The following ACO1 variants were observed in gnomAD, a reference collection of about 807,000 sequenced individuals.
ACO1 encodes aconitase 1.
Under a neutral mutation model 105.1 loss-of-function variants are expected in ACO1, and 78 were observed. That is an observed-to-expected ratio of 0.74 (90% confidence interval 0.62 to 0.90). The LOEUF is 0.90. Ranked by LOEUF, ACO1 falls within the 40% of genes least tolerant of loss-of-function variation. The pLI, the probability that ACO1 is intolerant of heterozygous loss-of-function variation, is 0.00. For missense variants in ACO1, 965 were observed against 1,111.1 expected (o/e 0.87, Z 1.87); for synonymous variants, 364 against 397.4 (o/e 0.92, Z 1.00).
intron 4 of ACO1, among the ~76,000 whole-genome samples, chr9:32,412,253 A>G (rs147721128): frequency 2.6e-5 from 4 of 152,342 alleles, no homozygotes; most frequent in Non-Finnish European, 5.9e-5. Flanking sequence ...TAGCTCAACG[A>G]GCGAGATGCT....
chr9:32,387,523 GT>G (rs1363157085), intron 1 of ACO1, among the ~76,000 whole-genome samples: 2 of 152,032 alleles, frequency 1.3e-5, no homozygotes, highest in Non-Finnish European at 2.9e-5. Flanking sequence ...CTTTTGGTTT[GT>G]TTTTTTAGTA....
rs564142404 is a variant in ACO1 at position 32,403,059 on chromosome 9, A to G, written c.-22-2426A>G. ...TGAGTCTCTTGTGAGAGGATTTCCC[A>G]TGACTTTCCCAGCTTTAGGGGCTAG... On this transcript the variant is annotated intron_variant, in intron 1 of 20. Coordinates refer to ENST00000309951, the MANE Select transcript of ACO1 (RefSeq NM_002197.3). 7.9e-5 allele frequency among the ~76,000 whole-genome samples: 12 copies of G among 152,276 alleles called. No individual in the cohort carries two copies. In the South Asian group the frequency reaches 2.5e-3, roughly 32 times the overall value.
chr9:32,405,814 CT>C (rs1428316965), intron 2 of ACO1, among the ~76,000 whole-genome samples: 1 of 152,146 alleles, frequency 6.6e-6, no homozygotes, highest in African/African-American at 2.4e-5. Context: ...TTATATAACA[CT>C]TTATAGAGTA....
intron 1 of ACO1, among the ~76,000 whole-genome samples, chr9:32,401,974 C>T (rs918833088): frequency 1.3e-5 from 2 of 152,204 alleles, no homozygotes; most frequent in African/African-American, 2.4e-5. Flanking sequence ...TCTTGACTTT[C>T]AGAATGTGAA....
intron 1 of ACO1, among the ~76,000 whole-genome samples, chr9:32,391,556 T>C (rs1821268001): frequency 6.6e-6 from 1 of 152,266 alleles, no homozygotes. Flanking sequence ...TGGTTCTCTC[T>C]CATCCTCTTG....
Position 32,448,939 on chromosome 9 carries a change from G to T in ACO1, c.2414G>T (p.Arg805Leu), listed in dbSNP as rs754994797. The change falls in exon 20 of 21, where the codon CGC becomes CTC. Residue 805 changes from arginine (R) to leucine (L), a missense_variant. Arg to Leu is a moderately radical substitution (Grantham distance 102). Transcript: ENST00000309951. ...VLAESYERIH[R>L]SNLVGMGVIP... The stretch of plus-strand genomic sequence containing the variant: ...GCCGAGAGCTACGAGCGCATTCACC[G>T]CAGTAACCTGGTTGGGATGGGTGTG... 1 of 1,614,238 alleles carries T rather than the reference G, an allele frequency of 6.2e-7. No homozygotes were observed. The highest frequency in any genetic ancestry group is 8.5e-7 in the Non-Finnish European group (1 of 1,180,050).
At chr9:32,417,455 T>C (rs1294315992) in intron 4 of ACO1, among the ~76,000 whole-genome samples, 1 of 152,242 alleles carries the variant, frequency 6.6e-6, no homozygotes, top group African/African-American at 2.4e-5. Flanking sequence ...ATCTTGTGAC[T>C]ATGACTTATT....
intron 7 of ACO1, among the ~76,000 whole-genome samples, chr9:32,419,458 A>G (rs1229643742): frequency 2.0e-5 from 3 of 152,276 alleles, no homozygotes; most frequent in East Asian, 3.8e-4. Context: ...TGGCATTCAT[A>G]TGCCCACCAC....
rs1822756555 is a variant in ACO1 at position 32,451,021 on chromosome 9, T to G, written c.*910T>G. 6.6e-6 allele frequency: 1 copy of G among 152,148 alleles called. No individual in the cohort carries two copies. Among genetic ancestry groups the G allele is most frequent in the Non-Finnish European group, 1.5e-5 (1 of 68,020 alleles). 9.4% of individuals were successfully genotyped at this position (152,148 alleles called of 1,614,324 possible). ...GAACCATTATGCTCGCTCTTCCCTG[T>G]TTGGGAGCAGACAAGAAGGAAGAGT... On this transcript the variant is annotated 3_prime_UTR_variant, in exon 21 of 21. Transcript: ENST00000309951.
At chr9:32,401,541 T>G (rs915827213) in intron 1 of ACO1, among the ~76,000 whole-genome samples, 3 of 152,134 alleles carry the variant, frequency 2.0e-5, no homozygotes, top group Non-Finnish European at 4.4e-5. Flanking sequence ...ATTACCTCCT[T>G]AGCACCTAAG....
chr9:32,432,106 C>T (rs2118518105), intron 15 of ACO1, among the ~76,000 whole-genome samples: 1 of 152,282 alleles, frequency 6.6e-6, no homozygotes, highest in African/African-American at 2.4e-5. Context: ...GTTCAGCTCT[C>T]CAAAACCCCA....
intron 4 of ACO1, among the ~76,000 whole-genome samples, chr9:32,409,718 G>C (rs910141125): frequency 1.3e-5 from 2 of 152,092 alleles, no homozygotes; most frequent in Admixed American, 6.5e-5. Context: ...GCCATGTGTG[G>C]TGGTGTGTGC....
intron 1 of ACO1, among the ~76,000 whole-genome samples, chr9:32,399,766 A>G (rs761990398): frequency 2.4e-4 from 36 of 151,968 alleles, no homozygotes; most frequent in Non-Finnish European, 4.6e-4. Flanking sequence ...TTTATTGTTG[A>G]GTGAAAAAAA....
At chr9:32,410,183 C>A (rs1821704769) in intron 4 of ACO1, among the ~76,000 whole-genome samples, 3 of 152,176 alleles carry the variant, frequency 2.0e-5, no homozygotes, top group African/African-American at 7.2e-5. Context: ...AAGCCCCAGT[C>A]TTTTGTAAGA....
intron 1 of ACO1, among the ~76,000 whole-genome samples, chr9:32,392,580 G>A (rs1226994868): frequency 6.6e-6 from 1 of 152,168 alleles, no homozygotes; most frequent in East Asian, 1.9e-4. Context: ...GCCCGCAGGA[G>A]ATCTTATCCC....
chr9:32,397,306 T>C (rs77643348), intron 1 of ACO1, among the ~76,000 whole-genome samples: 4,236 of 152,336 alleles, frequency 0.028, 87 homozygotes, highest in South Asian at 0.058. Context: ...TCAAAGTTCT[T>C]CTAGTTACAA....
intron 19 of ACO1, 135 bp downstream of exon 19, chr9:32,440,722 C>A: frequency 8.3e-7 from 1 of 1,198,284 alleles, no homozygotes; most frequent in Non-Finnish European, 1.1e-6. Flanking sequence ...AGTGTTTATT[C>A]CTGGCCTGCT....
chr9:32,397,729 G>C (rs1013788503), intron 1 of ACO1, among the ~76,000 whole-genome samples: 5 of 152,174 alleles, frequency 3.3e-5, no homozygotes, highest in African/African-American at 1.2e-4. Context: ...TTTGACTTTA[G>C]AGTTGGAAGC....
intron 19 of ACO1, among the ~76,000 whole-genome samples, chr9:32,447,869 C>T (rs973000018): frequency 6.6e-6 from 1 of 152,098 alleles, no homozygotes; most frequent in Non-Finnish European, 1.5e-5. Flanking sequence ...TACTTCAGAC[C>T]CTGTTTGCCT....
Sources: allele counts gnomAD v4.1 joint callset (sites outside exome capture counted in the v4.1 genomes callset), GRCh38; gene constraint gnomAD v4.1.1; transcripts MANE v1.5; gene names NCBI Gene and HGNC (gene_info 2026-07-23, HGNC 2026-07-21).